Variants in TRIM62 observed in about 807,000 individuals in gnomAD.
TRIM62 encodes E3 ubiquitin-protein ligase TRIM62.
TRIM62 carries 39 observed loss-of-function variants against 44.2 expected under a neutral mutation model. That is an observed-to-expected ratio of 0.88 (90% confidence interval 0.68 to 1.15). The LOEUF is 1.15. Among genes scored for constraint, TRIM62 ranks in the 50% most tolerant of loss-of-function variants. The pLI, the probability that TRIM62 is intolerant of heterozygous loss-of-function variation, is 0.00. For missense variants in TRIM62, 544 were observed against 665.5 expected, an observed-to-expected ratio of 0.82 and a Z score of 2.01; for synonymous variants, 278 against 292.3, an observed-to-expected ratio of 0.95 and a Z score of 0.50.
At position 33,177,084 on chromosome 1, in the gene TRIM62, T is replaced by C. The variant is rs7412184; in HGVS notation, c.408+3941A>G. 2.0e-5 allele frequency among the ~76,000 whole-genome samples: 3 copies of C among 147,924 alleles called. No homozygotes were observed. Among genetic ancestry groups the C allele is most frequent in the African/African-American group, 5.0e-5 (2 of 40,028 alleles). On this transcript the variant is annotated intron_variant, in intron 1 of 4. Coordinates refer to ENST00000291416, the MANE Select transcript of TRIM62 (RefSeq NM_018207.3). This position sits in a 1 kb window ranked among gnomAD's most constrained non-coding sequence, Gnocchi z 4.1. Reference sequence around the variant, plus strand: ...ACACACATGCACACACACACATGCATGCACAAATGCACACACATGCACACA... The same window carrying C: ...ACACACATGCACACACACACATGCACGCACAAATGCACACACATGCACACA...
intron 1 of TRIM62, among the ~76,000 whole-genome samples, chr1:33,173,390 C>T (rs938446546): frequency 3.9e-5 from 6 of 152,142 alleles, no homozygotes; most frequent in South Asian, 4.1e-4. Context: ...TCAATGGGTG[C>T]GTGCATGTGT....
rs763347672 is a variant in TRIM62 at position 33,181,091 on chromosome 1, G to A, written c.342C>T (p.Cys114=). The change falls in exon 1 of 5, where the codon TGC becomes TGT. Residue 114 remains cysteine, a synonymous_variant. Coordinates refer to ENST00000291416, the MANE Select transcript of TRIM62 (RefSeq NM_018207.3). This position sits in a 1 kb window ranked among gnomAD's most constrained non-coding sequence, Gnocchi z 6.5. ...LTDRALLCFF[C]DEPALHEQHQ... is the part of the protein sequence containing the mutation. ...GCTGCTCGTGCAGTGCAGGCTCGTCGCAGAAGAAGCAGAGAAGCGCGCGGT... is the reference window on the plus strand; with the variant it reads ...GCTGCTCGTGCAGTGCAGGCTCGTCACAGAAGAAGCAGAGAAGCGCGCGGT... The A allele has an allele frequency of 6.9e-6, 11 of 1,599,226 alleles. No individual in the cohort carries two copies. The South Asian group carries it at 7.7e-5, about 11-fold the overall frequency.
At chr1:33,150,790 G>C (rs1458217244) in intron 4 of TRIM62, among the ~76,000 whole-genome samples, 1 of 152,146 alleles carries the variant, frequency 6.6e-6, no homozygotes, top group Non-Finnish European at 1.5e-5. Context: ...GCTAGATTGA[G>C]AAGAGGAACC....
chr1:33,177,111 A>G lies in TRIM62; in HGVS notation c.408+3914T>C, dbSNP rs947346406. Among the ~76,000 whole-genome samples the G allele has an allele frequency of 5.9e-5, 9 of 151,634 alleles. No homozygotes were observed. Among genetic ancestry groups the G allele is most frequent in the Non-Finnish European group, 1.3e-4 (9 of 67,914 alleles). ...CACAAATGCACACACATGCACACAC[A>G]CATGCATGTACGCATGCACACACAC... On this transcript the variant is annotated intron_variant, in intron 1 of 4. Transcript: ENST00000291416. The surrounding 1 kb of genome is among the most constrained non-coding windows in gnomAD (Gnocchi z 4.1).
chr1:33,162,426 T>C (rs77467995), intron 2 of TRIM62, among the ~76,000 whole-genome samples: 1 of 152,208 alleles, frequency 6.6e-6, no homozygotes, highest in African/African-American at 2.4e-5. Flanking sequence ...CCAGAGCCTT[T>C]TGTCAACAGT....
At position 33,165,624 on chromosome 1, in the gene TRIM62, G is replaced by T; in HGVS notation, c.409-58C>A. ...GGGCCATGCCTGGCCCAGGCATTCA[G>T]CCCTGACCACTGCCAGGCGCTGGGG... On this transcript the variant is annotated intron_variant, in intron 1 of 4. Coordinates refer to ENST00000291416, the MANE Select transcript of TRIM62 (RefSeq NM_018207.3). The surrounding 1 kb of genome is among the most constrained non-coding windows in gnomAD (Gnocchi z 4.0). 6.8e-7 allele frequency: 1 copy of T among 1,460,172 alleles called. No homozygotes were observed. The allele number at this position is 1,460,172 out of a possible 1,614,324, so 90.5% of individuals were successfully genotyped here.
At chr1:33,170,521 C>T (rs142757529) in intron 1 of TRIM62, among the ~76,000 whole-genome samples, 2,548 of 152,132 alleles carry the variant, frequency 0.017, 26 homozygotes, top group Middle Eastern at 0.027. Context: ...GCTGAGTCTT[C>T]AGGATGTCCC....
rs897903622 is a variant in TRIM62 at position 33,146,186 on chromosome 1, G to C, written c.*991C>G. The stretch of plus-strand genomic sequence containing the variant: ...TTCCAACAATTTTGCAAGCCACCAG[G>C]GGCCAGGTAGTAAATCCTTGTCTAA... On this transcript the variant is annotated 3_prime_UTR_variant, in exon 5 of 5. Transcript: ENST00000291416. 2 of 261,600 alleles carry C rather than the reference G, an allele frequency of 7.6e-6. No individual in the cohort carries two copies. The highest frequency in any genetic ancestry group is 2.3e-5 in the African/African-American group (1 of 44,258). 16.2% of individuals were successfully genotyped at this position (261,600 alleles called of 1,614,324 possible).
rs534753340 is a variant in TRIM62 at position 33,148,977 on chromosome 1, C to T, written c.878-1250G>A. ...TCCCAGCCAACCTCTCACTTCTGCC[C>T]CCTACCCCACTTAGGTCCAAAGCCT... On this transcript the variant is annotated intron_variant, in intron 4 of 4. Transcript: ENST00000291416. Among the ~76,000 whole-genome samples the T allele has an allele frequency of 6.3e-4, 96 of 152,256 alleles. 2 individuals are homozygous for T. The South Asian group carries it at 7.7e-3, about 12-fold the overall frequency.
At chr1:33,173,517 T>G (rs1395829387) in intron 1 of TRIM62, among the ~76,000 whole-genome samples, 2 of 152,064 alleles carry the variant, frequency 1.3e-5, no homozygotes, top group Non-Finnish European at 2.9e-5. Flanking sequence ...TTTTCCATTC[T>G]TACCTCCTCC....
chr1:33,171,856 A>G (rs1320727365), intron 1 of TRIM62, among the ~76,000 whole-genome samples: 1 of 152,110 alleles, frequency 6.6e-6, no homozygotes, highest in African/African-American at 2.4e-5. Flanking sequence ...ATCTTGGCTC[A>G]CTACAACCTC....
chr1:33,176,896 C>T (rs982251147), intron 1 of TRIM62, among the ~76,000 whole-genome samples: 22 of 152,210 alleles, frequency 1.4e-4, no homozygotes, highest in East Asian at 5.8e-4. Flanking sequence ...TTAGTGCAGT[C>T]CCAGGCATTC....
In TRIM62 at chr1:33,177,063, A is replaced by ATGCACACACATG. The variant is rs1645425961; in HGVS notation, c.408+3961_408+3962insCATGTGTGTGCA. ...TGCACACACACACGCACACACACAC[A>ATGCACACACATG]CATGCACACACACACATGCATGCAC... is the stretch of plus-strand genomic sequence containing the variant. On this transcript the variant is annotated intron_variant, in intron 1 of 4. Transcript: ENST00000291416. The surrounding 1 kb of genome is among the most constrained non-coding windows in gnomAD (Gnocchi z 4.1). 3.1e-5 allele frequency among the ~76,000 whole-genome samples: 2 copies of ATGCACACACATG among 64,164 alleles called. No homozygotes were observed. Among genetic ancestry groups the ATGCACACACATG allele is most frequent in the African/African-American group, 1.1e-4 (2 of 18,664 alleles). The allele number at this position is 64,164 out of a possible 152,430, so 42.1% of individuals were successfully genotyped here.
intron 3 of TRIM62, among the ~76,000 whole-genome samples, chr1:33,158,945 A>G (rs982407935): frequency 2.0e-5 from 3 of 151,978 alleles, no homozygotes; most frequent in East Asian, 1.9e-4. Context: ...GGTTCAAGCA[A>G]TTCTCCTGCC....
chr1:33,158,021 C>A (rs11578219), intron 4 of TRIM62, among the ~76,000 whole-genome samples: 1 of 152,208 alleles, frequency 6.6e-6, no homozygotes, highest in Admixed American at 6.5e-5. Context: ...TCCCAAAGTG[C>A]TGGGATTACA....
In TRIM62 at chr1:33,159,750, C is replaced by T. The variant is rs768321253; in HGVS notation, c.699G>A (p.Gln233=). ...GCCGGTCGGTTTCAGCCAGCCGCTCCTGCAGGATCTGGGCTCCCTCCTGGA... is the reference window on the plus strand; with the variant it reads ...GCCGGTCGGTTTCAGCCAGCCGCTCTTGCAGGATCTGGGCTCCCTCCTGGA... ...RKVQEGAQIL[Q]ERLAETDRHT... is the part of the protein sequence containing the mutation. The change falls in exon 3 of 5, where the codon CAG becomes CAA. Residue 233 remains glutamine, a synonymous_variant. Transcript: ENST00000291416. This position sits in a 1 kb window ranked among gnomAD's most constrained non-coding sequence, Gnocchi z 4.2. 6.2e-7 allele frequency: 1 copy of T among 1,613,368 alleles called. No homozygotes were observed. Among genetic ancestry groups the T allele is most frequent in the Non-Finnish European group, 8.5e-7 (1 of 1,179,932 alleles).
rs1260624950 is a variant in TRIM62, at chr1:33,159,413, C to T, written c.761+275G>A. Among the ~76,000 whole-genome samples the T allele has an allele frequency of 6.6e-6, 1 of 152,010 alleles. No individual in the cohort carries two copies. Among genetic ancestry groups the T allele is most frequent in the East Asian group, 1.9e-4 (1 of 5,198 alleles). On this transcript the variant is annotated intron_variant, in intron 3 of 4. Coordinates refer to ENST00000291416, the MANE Select transcript of TRIM62 (RefSeq NM_018207.3). This position sits in a 1 kb window ranked among gnomAD's most constrained non-coding sequence, Gnocchi z 4.2. ...TCCCAGATCCTTTCTCTCCTGCACC[C>T]CTAGAGCCAAGACAGCAGGGTCAAA... is the stretch of plus-strand genomic sequence containing the variant.
intron 1 of TRIM62, among the ~76,000 whole-genome samples, chr1:33,169,733 A>G (rs1645358196): frequency 6.6e-6 from 1 of 152,242 alleles, no homozygotes; most frequent in Non-Finnish European, 1.5e-5. Context: ...AATAAAATGG[A>G]AAATTCAGCT....
intron 1 of TRIM62, among the ~76,000 whole-genome samples, chr1:33,174,939 A>ATGTGTG (rs200793844): frequency 4.6e-4 from 15 of 32,636 alleles, no homozygotes; most frequent in African/African-American, 1.1e-3. Context: ...ACATACATAT[A>ATGTGTG]TGTGTGTATA....
Sources: allele counts gnomAD v4.1 joint callset (sites outside exome capture counted in the v4.1 genomes callset), GRCh38; gene constraint gnomAD v4.1.1; non-coding constraint Gnocchi (gnomAD v3.1); transcripts MANE v1.5; gene names NCBI Gene and HGNC (gene_info 2026-07-23, HGNC 2026-07-21).